The following RAD51B variants were observed in gnomAD, a reference collection of about 807,000 sequenced individuals.
RAD51B encodes RAD51 paralog B.
In RAD51B, 38 loss-of-function variants were observed where a neutral mutation model predicts 42.2. The observed-to-expected ratio is 0.90, with a 90% CI of 0.70 to 1.18. The LOEUF (loss-of-function observed/expected upper bound fraction) is 1.18. Ranked by LOEUF, RAD51B falls within the 50% of genes most tolerant of loss-of-function variation. RAD51B has a pLI of 0.00. For missense variants in RAD51B, 373 were observed against 400.7 expected (o/e 0.93, Z 0.59); for synonymous variants, 154 against 145.2 (o/e 1.06, Z -0.43).
At chr14:68,338,994 C>T in intron 8 of RAD51B, 2 of 657,580 alleles carry the variant, frequency 3.0e-6, no homozygotes, top group Admixed American at 2.0e-5. Context: ...GTAAGGGACC[C>T]CCTTTTTACA....
chr14:68,487,793 C>T (rs561553773), intron 10 of RAD51B, among the ~76,000 whole-genome samples: 6 of 152,286 alleles, frequency 3.9e-5, no homozygotes, highest in Non-Finnish European at 8.8e-5. Flanking sequence ...CAGGTGTGAG[C>T]CACCATGCCT....
At chr14:68,620,878 A>G (rs1328779050) in intron 10 of RAD51B, among the ~76,000 whole-genome samples, 1 of 152,230 alleles carries the variant, frequency 6.6e-6, no homozygotes, top group African/African-American at 2.4e-5. Context: ...AGGAGAACCT[A>G]TGGATGGAAT....
chr14:68,243,400 T>C (rs2080432469), intron 7 of RAD51B, among the ~76,000 whole-genome samples: 1 of 152,244 alleles, frequency 6.6e-6, no homozygotes, highest in Non-Finnish European at 1.5e-5. Context: ...ATAGTTTATC[T>C]TTTTGGTTAA....
intron 7 of RAD51B, among the ~76,000 whole-genome samples, chr14:68,242,267 C>T (rs1053583622): frequency 3.9e-5 from 6 of 152,320 alleles, no homozygotes; most frequent in Non-Finnish European, 5.9e-5. Context: ...CTTCAAGGTA[C>T]GCTCCGTAGC....
At chr14:68,045,668 C>CAAA (rs1283588388) in intron 7 of RAD51B, among the ~76,000 whole-genome samples, 1 of 152,082 alleles carries the variant, frequency 6.6e-6, no homozygotes, top group Non-Finnish European at 1.5e-5. Flanking sequence ...AGAAGCAAAA[C>CAAA]ATTCTCATGA....
At chr14:68,505,306 T>C (rs1885228679) in intron 10 of RAD51B, among the ~76,000 whole-genome samples, 1 of 152,152 alleles carries the variant, frequency 6.6e-6, no homozygotes, top group South Asian at 2.1e-4. Flanking sequence ...AAGATTTTAT[T>C]TGAAGAAAGG....
chr14:68,091,122 C>T (rs186395099), intron 7 of RAD51B, among the ~76,000 whole-genome samples: 5,387 of 151,926 alleles, frequency 0.035, 138 homozygotes, highest in Non-Finnish European at 0.056. Context: ...TTGGGTTGGT[C>T]CCAAGTCTTT....
intron 8 of RAD51B, among the ~76,000 whole-genome samples, chr14:68,370,814 G>A (rs1424497771): frequency 6.6e-6 from 1 of 152,016 alleles, no homozygotes; most frequent in Non-Finnish European, 1.5e-5. Flanking sequence ...GGAGGCTGAG[G>A]CGAGCAGATC....
chr14:68,068,947 T>C (rs2076697611), intron 7 of RAD51B, among the ~76,000 whole-genome samples: 2 of 152,184 alleles, frequency 1.3e-5, no homozygotes, highest in Admixed American at 6.5e-5. Context: ...AAGTCTTTGG[T>C]TAATTTCCAG....
At chr14:68,339,555 G>A in intron 8 of RAD51B, 2 of 355,050 alleles carry the variant, frequency 5.6e-6, no homozygotes, top group Non-Finnish European at 1.0e-5. Context: ...AGAGACTTAT[G>A]GTTGCCATAT....
At chr14:68,638,026 C>G (rs6573847) in intron 10 of RAD51B, among the ~76,000 whole-genome samples, 137,534 of 152,318 alleles carry the variant, frequency 0.9, 62,314 homozygotes, top group African/African-American at 0.97. Flanking sequence ...TCAGTCACAG[C>G]TTTTCTCCTG....
chr14:67,835,287 G>T, intron 4 of RAD51B, 91 bp downstream of exon 4: 1 of 923,632 alleles, frequency 1.1e-6, no homozygotes, highest in Non-Finnish European at 1.7e-6. Flanking sequence ...AATTATTTCT[G>T]GAACGGTAAT....
intron 10 of RAD51B, among the ~76,000 whole-genome samples, chr14:68,576,855 G>A (rs1220501729): frequency 2.0e-5 from 3 of 152,166 alleles, no homozygotes; most frequent in African/African-American, 4.8e-5. Context: ...GTTACCTTGG[G>A]ATCTTCTACA....
chr14:68,221,128 C>A (rs371635694), intron 7 of RAD51B, among the ~76,000 whole-genome samples: 1 of 152,030 alleles, frequency 6.6e-6, no homozygotes, highest in Non-Finnish European at 1.5e-5. Context: ...TGCCAAAAGC[C>A]CTCTGCAAAT....
intron 8 of RAD51B, among the ~76,000 whole-genome samples, chr14:68,342,828 A>T (rs2082599077): frequency 6.6e-6 from 1 of 152,028 alleles, no homozygotes; most frequent in African/African-American, 2.4e-5. Context: ...CTTTTTTGAA[A>T]TTTTCAGTTT....
At position 68,078,759 on chromosome 14, in the gene RAD51B, G is replaced by A. The variant is rs141457508; in HGVS notation, c.756+191555G>A. On this transcript the variant is annotated intron_variant, in intron 7 of 10. Transcript: ENST00000471583. Reference sequence around the variant, plus strand: ...AGTCCCAGCACTTTGGGAGGCCAAAGTGGAAGGACTGCTTGAGCCCAAGGG... The same window carrying A: ...AGTCCCAGCACTTTGGGAGGCCAAAATGGAAGGACTGCTTGAGCCCAAGGG... Among the ~76,000 whole-genome samples, 451 of 152,322 alleles carry A rather than the reference G, an allele frequency of 3.0e-3. 2 individuals carry two copies. The highest frequency in any genetic ancestry group is 0.01 in the African/African-American group (433 of 41,582).
intron 7 of RAD51B, among the ~76,000 whole-genome samples, chr14:67,958,993 A>G (rs2074604786): frequency 6.6e-6 from 1 of 152,128 alleles, no homozygotes; most frequent in South Asian, 2.1e-4. Flanking sequence ...TTATATTTCA[A>G]AGAATCTTTA....
chr14:68,178,177 A>G (rs1225974929), intron 7 of RAD51B, among the ~76,000 whole-genome samples: 4 of 152,110 alleles, frequency 2.6e-5, no homozygotes, highest in African/African-American at 9.7e-5. Context: ...GAATACATTG[A>G]TAAGTAACTT....
intron 7 of RAD51B, among the ~76,000 whole-genome samples, chr14:68,000,119 A>G (rs113251579): frequency 2.1e-4 from 32 of 152,316 alleles, no homozygotes; most frequent in African/African-American, 6.3e-4. Context: ...GGCCATTCCT[A>G]TTTATTGCCA....
Sources: allele counts gnomAD v4.1 joint callset (sites outside exome capture counted in the v4.1 genomes callset), GRCh38; gene constraint gnomAD v4.1.1; transcripts MANE v1.5; gene names NCBI Gene and HGNC (gene_info 2026-07-23, HGNC 2026-07-21).